GYS1: variants seen among roughly 807,000 people sequenced by gnomAD.
The protein encoded by GYS1 is glycogen synthase 1, also known as glycogen [starch] synthase, muscle.
A neutral mutation model predicts 89.1 loss-of-function variants in GYS1; 60 were observed. The observed-to-expected ratio is 0.67, with a 90% CI of 0.55 to 0.84. The LOEUF is 0.84. Ranked by LOEUF, GYS1 falls within the 40% of genes least tolerant of loss-of-function variation. The pLI is 0.00. For missense variants in GYS1, 888 were observed against 1,003.1 expected, an observed-to-expected ratio of 0.89 and a Z score of 1.55; for synonymous variants, 366 against 401.7, an observed-to-expected ratio of 0.91 and a Z score of 1.06.
intron 10 of GYS1, among the ~76,000 whole-genome samples, chr19:48,977,331 G>A (rs1308493350): frequency 2.0e-5 from 3 of 152,134 alleles, no homozygotes; most frequent in Non-Finnish European, 2.9e-5. Context: ...AGGGACTCAC[G>A]CTTGTAAACT....
chr19:48,982,195 T>C, intron 7 of GYS1, 60 bp downstream of exon 7: 1 of 1,572,876 alleles, frequency 6.4e-7, no homozygotes, highest in Non-Finnish European at 8.7e-7. Flanking sequence ...GCCTGGCTGT[T>C]CTCCCTAGTT....
intron 5 of GYS1, among the ~76,000 whole-genome samples, chr19:48,984,583 A>G (rs911347769): frequency 6.6e-6 from 1 of 151,652 alleles, no homozygotes; most frequent in Non-Finnish European, 1.5e-5. Flanking sequence ...TTTAGTAGAG[A>G]TGGAGTTTCG....
chr19:48,985,396 A>C lies in GYS1; in HGVS notation c.823+65T>G, dbSNP rs1165209314. On this transcript the variant is annotated intron_variant, in intron 5 of 15. Coordinates refer to ENST00000323798, the MANE Select transcript of GYS1 (RefSeq NM_002103.5). ...CAGTGGGCTTCTTGGGCTGAGGAGC[A>C]ACTGGCTTTGGCATAGACAGCTGCC... 12 of 1,539,656 alleles carry C rather than the reference A, an allele frequency of 7.8e-6. No individual in the cohort carries two copies. In the African/African-American group the frequency reaches 1.5e-4, roughly 19 times the overall value.
At chr19:48,992,952 T>C (rs1179266667) in intron 1 of GYS1, 43 bp downstream of exon 1, 2 of 1,151,284 alleles carry the variant, frequency 1.7e-6, no homozygotes, top group Non-Finnish European at 2.6e-6. Flanking sequence ...CCCCATCCAC[T>C]ACTGTCCTTC....
chr19:48,988,969 A>G (rs2038881110), intron 2 of GYS1, among the ~76,000 whole-genome samples: 1 of 151,742 alleles, frequency 6.6e-6, no homozygotes, highest in Non-Finnish European at 1.5e-5. Flanking sequence ...TCCTTTCATC[A>G]CATATCTGTC....
chr19:48,977,695 T>G (rs1250028168), intron 10 of GYS1, among the ~76,000 whole-genome samples: 1 of 152,190 alleles, frequency 6.6e-6, no homozygotes, highest in Non-Finnish European at 1.5e-5. Context: ...GCAACCCTCG[T>G]GGCAGAATAA....
intron 7 of GYS1, among the ~76,000 whole-genome samples, chr19:48,981,985 C>T (rs754678772): frequency 5.9e-5 from 9 of 152,112 alleles, no homozygotes; most frequent in Non-Finnish European, 1.2e-4. Flanking sequence ...CTCCACCTCC[C>T]GGGCTCGCGT....
In GYS1 at chr19:48,969,246, G is replaced by A. The variant is rs920822109; in HGVS notation, c.*42C>T. On this transcript the variant is annotated 3_prime_UTR_variant, in exon 16 of 16. Coordinates refer to ENST00000323798, the MANE Select transcript of GYS1 (RefSeq NM_002103.5). ...AGCACCCCTCTGCATCCTCTCTCTG[G>A]AGCAGAGAGGCAGGACAGGCGGGGA... is the stretch of plus-strand genomic sequence containing the variant. 7 of 1,479,630 alleles carry A rather than the reference G, an allele frequency of 4.7e-6. No individual in the cohort carries two copies. Among genetic ancestry groups the A allele is most frequent in the Non-Finnish European group, 5.5e-6 (6 of 1,099,760 alleles). The allele number at this position is 1,479,630 out of a possible 1,614,324, so 91.7% of individuals were successfully genotyped here.
chr19:48,971,647 C>A (rs1042865471), intron 12 of GYS1, among the ~76,000 whole-genome samples: 1 of 151,630 alleles, frequency 6.6e-6, no homozygotes, highest in African/African-American at 2.4e-5. Flanking sequence ...CTTCACCTCC[C>A]GGGTTCAAGC....
intron 5 of GYS1, among the ~76,000 whole-genome samples, chr19:48,984,351 A>G (rs1427754759): frequency 6.6e-6 from 1 of 151,628 alleles, no homozygotes; most frequent in African/African-American, 2.4e-5. Flanking sequence ...AGTTACATAC[A>G]TCCACATGAG....
rs778455846 is a variant in GYS1 at position 48,982,764 on chromosome 19, C to T, written c.897G>A (p.Gln299=). ...CAAACTCCTGGATTCGAGCCTTGCT[C>T]TGAGCATGGAGGTTCTGGAACTCAT... is the stretch of plus-strand genomic sequence containing the variant. ...AMHEFQNLHA[Q]SKARIQEFVR... Residue 299 remains glutamine, a synonymous_variant, in exon 6 of 16, where the codon CAG becomes CAA. Transcript: ENST00000323798. 6.2e-7 allele frequency: 1 copy of T among 1,614,034 alleles called. No homozygotes were observed. Among genetic ancestry groups the T allele is most frequent in the Non-Finnish European group, 8.5e-7 (1 of 1,179,878 alleles).
intron 5 of GYS1, 46 bp downstream of exon 5, chr19:48,985,415 A>G (rs1209614053): frequency 1.2e-6 from 2 of 1,601,560 alleles, no homozygotes; most frequent in Admixed American, 1.7e-5. Context: ...TGGCATAGAC[A>G]GCTGCCTACC....
rs752263986 is a variant in GYS1 at position 48,974,351 on chromosome 19, AAAG to A, written c.1423-15_1423-13del. 17 of 1,613,922 alleles carry A rather than the reference AAAG, an allele frequency of 1.1e-5. No individual in the cohort carries two copies. The African/African-American group carries it at 1.3e-4, about 13-fold the overall frequency. The stretch of plus-strand genomic sequence containing the variant: ...GGGTGGAAAATCACCTGGTAGTGAA[AAAG>A]AAGGACTCAGCCCAAGTGCCTTATT... On this transcript the variant is annotated splice_polypyrimidine_tract_variant and intron_variant, in intron 11 of 15. Coordinates refer to ENST00000323798, the MANE Select transcript of GYS1 (RefSeq NM_002103.5).
rs1450163191 is a variant in GYS1 at position 48,989,997 on chromosome 19, C to T, written c.300+1305G>A. Among the ~76,000 whole-genome samples, 25 of 26,158 alleles carry T rather than the reference C, an allele frequency of 9.6e-4. No individual in the cohort carries two copies. The East Asian group carries it at 0.032, about 33-fold the overall frequency. 17.2% of individuals were successfully genotyped at this position (26,158 alleles called of 152,430 possible). ...CTCCCAGCTGTTGTCTGCCCTTTTGCTGGGGGGGGGGGGGGGCTATTCTTA... is the reference window on the plus strand; with the variant it reads ...CTCCCAGCTGTTGTCTGCCCTTTTGTTGGGGGGGGGGGGGGGCTATTCTTA... On this transcript the variant is annotated intron_variant, in intron 2 of 15. Coordinates refer to ENST00000323798, the MANE Select transcript of GYS1 (RefSeq NM_002103.5).
rs1470610169 is a variant in GYS1 at position 48,969,016 on chromosome 19, C to G, written c.*272G>C. ...CACCACCGCAGAGTAATGGCAGATT[C>G]CTGGCCTCTGGGAAGCGGTCCAGGC... On this transcript the variant is annotated 3_prime_UTR_variant, in exon 16 of 16. Coordinates refer to ENST00000323798, the MANE Select transcript of GYS1 (RefSeq NM_002103.5). 1 of 651,170 alleles carries G rather than the reference C, an allele frequency of 1.5e-6. No homozygotes were observed. The highest frequency in any genetic ancestry group is 1.5e-5 in the South Asian group (1 of 65,638). 40.3% of individuals were successfully genotyped at this position (651,170 alleles called of 1,614,324 possible).
rs772034627 is a variant in GYS1, at chr19:48,991,778, C to T, written c.119-295G>A. 6.6e-6 allele frequency among the ~76,000 whole-genome samples: 1 copy of T among 151,904 alleles called. No individual in the cohort carries two copies. The highest frequency in any genetic ancestry group is 2.1e-4 in the South Asian group (1 of 4,822). ...GTCTGAGAGAGAAGGGGCTGGGTGCCGGGACCCCTTGGTCTGAAGGAATTA... is the reference window on the plus strand; with the variant it reads ...GTCTGAGAGAGAAGGGGCTGGGTGCTGGGACCCCTTGGTCTGAAGGAATTA... On this transcript the variant is annotated intron_variant, in intron 1 of 15. Transcript: ENST00000323798. This position sits in a 1 kb window ranked among gnomAD's most constrained non-coding sequence, Gnocchi z 4.7.
In GYS1 at chr19:48,968,651, C is replaced by T. The variant is rs1429886688; in HGVS notation, c.*637G>A. The stretch of plus-strand genomic sequence containing the variant: ...AGTGGTTCTACCACCTCTTGCTTGG[C>T]CAAAGTGTAGGGGATGACAGGAGCC... On this transcript the variant is annotated 3_prime_UTR_variant, in exon 16 of 16. Coordinates refer to ENST00000323798, the MANE Select transcript of GYS1 (RefSeq NM_002103.5). 4.0e-5 allele frequency: 18 copies of T among 454,064 alleles called. No individual in the cohort carries two copies. The East Asian group carries it at 1.2e-3, about 32-fold the overall frequency. 28.1% of individuals were successfully genotyped at this position (454,064 alleles called of 1,614,324 possible).
Position 48,969,288 on chromosome 19 carries a change from T to A in GYS1, c.2214A>T (p.Ter738TyrextTer25), listed in dbSNP as rs1310157370. The stretch of plus-strand genomic sequence containing the variant: ...AGGCGGGGAGTGTGGTGGGGCGGAC[T>A]TAGTTACGCTCCTCGCCCAGGGAGC... ...PTSSLGEERN[*>Y] Residue 738 changes from the stop codon to tyrosine (Y), a stop_lost, in exon 16 of 16, where the codon TAA becomes TAT. Transcript: ENST00000323798. 25 of 1,546,288 alleles carry A rather than the reference T, an allele frequency of 1.6e-5. No homozygotes were observed. Among genetic ancestry groups the A allele is most frequent in the Non-Finnish European group, 1.9e-5 (22 of 1,153,264 alleles).
In GYS1 at chr19:48,991,353, G is replaced by T; in HGVS notation, c.249C>A (p.Pro83=). 6.2e-7 allele frequency: 1 copy of T among 1,614,030 alleles called. No individual in the cohort carries two copies. Among genetic ancestry groups the T allele is most frequent in the East Asian group, 2.2e-5 (1 of 44,886 alleles). The change falls in exon 2 of 16, where the codon CCC becomes CCA. Residue 83 remains proline (P), a synonymous_variant. Coordinates refer to ENST00000323798, the MANE Select transcript of GYS1 (RefSeq NM_002103.5). This position sits in a 1 kb window ranked among gnomAD's most constrained non-coding sequence, Gnocchi z 4.7. ...VRTQVELLEA[P]TPALKRTLDS... ...CCAGTGTCCTCTTCAGGGCCGGGGT[G>T]GGGGCCTCCAGCAGTTCCACCTGGG...
Sources: allele counts gnomAD v4.1 joint callset (sites outside exome capture counted in the v4.1 genomes callset), GRCh38; gene constraint gnomAD v4.1.1; non-coding constraint Gnocchi (gnomAD v3.1); transcripts MANE v1.5; gene names NCBI Gene and HGNC (gene_info 2026-07-23, HGNC 2026-07-21).